Variants in CHST7 observed in about 807,000 individuals in gnomAD.
CHST7 encodes the protein carbohydrate sulfotransferase 7.
A neutral mutation model predicts 9.0 loss-of-function variants in CHST7; 5 were observed. That is an observed-to-expected ratio of 0.56 (90% CI 0.29 to 1.17). CHST7 has a LOEUF of 1.17. CHST7 is among the 50% of genes most tolerant of loss of function. CHST7 has a pLI of 0.08. For missense variants in CHST7, 377 were observed against 485.1 expected (o/e 0.78, Z 2.09); for synonymous variants, 244 against 237.1 (o/e 1.03, Z -0.27).
At chrX:46,589,192 A>G (rs1321399888) in intron 1 of CHST7, among the ~76,000 whole-genome samples, 2 of 111,802 alleles carry the variant, frequency 1.8e-5, no homozygotes, top group African/African-American at 6.5e-5. Flanking sequence ...CCAAAGATGA[A>G]TATTTCATTG....
At chrX:46,591,257 A>T (rs942032154) in intron 1 of CHST7, among the ~76,000 whole-genome samples, 2 of 112,709 alleles carry the variant, frequency 1.8e-5, no homozygotes, top group Non-Finnish European at 3.8e-5. Context: ...TTTATAAGAA[A>T]CTACCAAACT....
At chrX:46,583,060 T>C (rs930250168) in intron 1 of CHST7, among the ~76,000 whole-genome samples, 6 of 110,573 alleles carry the variant, frequency 5.4e-5, no homozygotes, top group Non-Finnish European at 1.1e-4. Context: ...GGTTTAACAT[T>C]CTTCAGTATG....
chrX:46,589,761 G>A (rs1333112619), intron 1 of CHST7, among the ~76,000 whole-genome samples: 2 of 111,191 alleles, frequency 1.8e-5, no homozygotes, highest in Non-Finnish European at 3.8e-5. Flanking sequence ...AGTCAGAACC[G>A]GAAGATATAT....
At chrX:46,575,491 G>A in intron 1 of CHST7, 68 bp downstream of exon 1, 1 of 913,240 alleles carries the variant, frequency 1.1e-6, no homozygotes, top group East Asian at 4.2e-5. Flanking sequence ...GCCTGGGGAG[G>A]GGGAAGTGTA....
intron 1 of CHST7, among the ~76,000 whole-genome samples, chrX:46,585,479 G>A (rs181656091): frequency 1.4e-3 from 152 of 110,253 alleles, no homozygotes; most frequent in Middle Eastern, 4.8e-3. Context: ...TAATAGAGAT[G>A]TGGTTTCACC....
chrX:46,575,416 G>A lies in CHST7; in HGVS notation c.*24G>A, dbSNP rs775365574. 3 of 1,020,888 alleles carry A rather than the reference G, an allele frequency of 2.9e-6. No homozygotes were observed. Among genetic ancestry groups the A allele is most frequent in the South Asian group, 6.1e-5 (2 of 32,850 alleles). 84.1% of individuals were successfully genotyped at this position (1,020,888 alleles called of 1,213,427 possible). On this transcript the variant is annotated 3_prime_UTR_variant, in exon 1 of 2. Coordinates refer to ENST00000276055, the MANE Select transcript of CHST7 (RefSeq NM_019886.4). ...AGCCTCCCATCCCTGTCCCCGGCACGGATCCGGGTAAGGTGGCCCGGGGCA... is the reference window on the plus strand; with the variant it reads ...AGCCTCCCATCCCTGTCCCCGGCACAGATCCGGGTAAGGTGGCCCGGGGCA...
chrX:46,582,603 T>C, intron 1 of CHST7, among the ~76,000 whole-genome samples: 1 of 112,111 alleles, frequency 8.9e-6, no homozygotes, highest in East Asian at 2.8e-4. Context: ...AGTCCACATG[T>C]ATTTAGAGAG....
intron 1 of CHST7, among the ~76,000 whole-genome samples, chrX:46,589,557 A>G (rs1336870713): frequency 9.0e-6 from 1 of 110,990 alleles, no homozygotes; most frequent in African/African-American, 3.3e-5. Flanking sequence ...CTCAAAAAAA[A>G]AAAAAAGAGT....
At chrX:46,581,413 G>A (rs1478724763) in intron 1 of CHST7, among the ~76,000 whole-genome samples, 14 of 105,135 alleles carry the variant, frequency 1.3e-4, no homozygotes, top group African/African-American at 3.8e-4. Context: ...AAAATTAGCC[G>A]GGCATGGTGG....
chrX:46,576,041 C>T (rs1173782878), intron 1 of CHST7, among the ~76,000 whole-genome samples: 2 of 111,143 alleles, frequency 1.8e-5, no homozygotes, highest in Non-Finnish European at 3.8e-5. Context: ...CACAGTCCAG[C>T]GGCTCTTGCA....
At position 46,574,930 on chromosome X, in the gene CHST7, C is replaced by G. The variant is rs1253968546; in HGVS notation, c.999C>G (p.Ala333=). The G allele has an allele frequency of 4.4e-6, 5 of 1,143,940 alleles. No individual in the cohort carries two copies. Among genetic ancestry groups the G allele is most frequent in the Non-Finnish European group, 5.7e-6 (5 of 870,570 alleles). 94.3% of individuals were successfully genotyped at this position (1,143,940 alleles called of 1,213,427 possible). A position where few individuals can be genotyped will look rare whatever the true frequency, so the allele number is the denominator to read the frequency against. The stretch of plus-strand genomic sequence containing the variant: ...GGGGCCAGTCTCGCGCGCTGCCCGC[C>G]GCGCCGCGCGCCGATTTCTTCCTGA... ...RPGGQSRALP[A]APRADFFLTG... Residue 333 remains alanine, a synonymous_variant, in exon 1 of 2, where the codon GCC becomes GCG. Transcript: ENST00000276055.
chrX:46,578,172 A>C (rs1942507805), intron 1 of CHST7, among the ~76,000 whole-genome samples: 1 of 110,404 alleles, frequency 9.1e-6, no homozygotes, highest in African/African-American at 3.3e-5. Flanking sequence ...CTCCAAGCAA[A>C]ACATCTTCAC....
chrX:46,588,280 T>C (rs892282553), intron 1 of CHST7, among the ~76,000 whole-genome samples: 3 of 110,676 alleles, frequency 2.7e-5, no homozygotes, highest in Non-Finnish European at 3.8e-5. Context: ...CCAGATTCAT[T>C]TGGGAGGCCC....
chrX:46,577,531 G>A (rs540059559), intron 1 of CHST7, among the ~76,000 whole-genome samples: 2 of 111,640 alleles, frequency 1.8e-5, no homozygotes, highest in South Asian at 3.8e-4. Context: ...GAAGAGAGGG[G>A]GAGGGATCCT....
Position 46,574,734 on chromosome X carries a change from G to A in CHST7, c.803G>A (p.Gly268Asp). 1 of 1,209,282 alleles carries A rather than the reference G, an allele frequency of 8.3e-7. No homozygotes were observed. The highest frequency in any genetic ancestry group is 1.1e-6 in the Non-Finnish European group (1 of 894,222). The change falls in exon 1 of 2, where the codon GGC becomes GAC. Residue 268 changes from glycine to aspartate, a missense_variant. Physicochemically the swap from Gly to Asp is moderately conservative, Grantham distance 94 (BLOSUM62 -1). Around this residue, in one of 3 missense-constraint regions of CHST7, gnomAD observed 239 missense variants for 325.7 expected, o/e 0.73. Coordinates refer to ENST00000276055, the MANE Select transcript of CHST7 (RefSeq NM_019886.4). ...CTGGTGCCCCTGTTGCGTGATCCAGGCCTCAACCTGAAGGTGGTGCAGCTT... is the reference window on the plus strand; with the variant it reads ...CTGGTGCCCCTGTTGCGTGATCCAGACCTCAACCTGAAGGTGGTGCAGCTT... ...GVLVPLLRDPGLNLKVVQLFR... is the reference protein window; with the variant it reads ...GVLVPLLRDPDLNLKVVQLFR...
intron 1 of CHST7, among the ~76,000 whole-genome samples, chrX:46,587,837 A>G (rs771271620): frequency 8.9e-6 from 1 of 112,154 alleles, no homozygotes; most frequent in Non-Finnish European, 1.9e-5. Context: ...AGATAAGCTT[A>G]GATATTAACA....
chrX:46,590,346 G>T (rs1199248962), intron 1 of CHST7, among the ~76,000 whole-genome samples: 2 of 110,444 alleles, frequency 1.8e-5, no homozygotes, highest in African/African-American at 6.6e-5. Flanking sequence ...GGAAGTCAAG[G>T]CGGGAGGATT....
intron 1 of CHST7, among the ~76,000 whole-genome samples, chrX:46,578,575 A>ATT (rs766734160): frequency 2.4e-4 from 13 of 53,193 alleles, no homozygotes; most frequent in Non-Finnish European, 3.4e-4. Flanking sequence ...CATTAAAAGA[A>ATT]ATTTTTTTTT....
intron 1 of CHST7, among the ~76,000 whole-genome samples, chrX:46,588,241 G>C (rs1385093567): frequency 9.0e-6 from 1 of 110,761 alleles, no homozygotes; most frequent in Non-Finnish European, 1.9e-5. Context: ...ATAATTCAAG[G>C]AGTAGAAATG....
Sources: allele counts gnomAD v4.1 joint callset (sites outside exome capture counted in the v4.1 genomes callset), GRCh38; gene constraint gnomAD v4.1.1; regional missense constraint gnomAD v4.1.1; transcripts MANE v1.5; gene names NCBI Gene and HGNC (gene_info 2026-07-23, HGNC 2026-07-21).